KLC1: variants seen among roughly 807,000 people sequenced by gnomAD.
KLC1 encodes the protein kinesin 2 60/70kDa.
In KLC1, 30 loss-of-function variants were observed where a neutral mutation model predicts 84.2. The ratio of observed to expected loss-of-function variants is 0.36; its 90% CI spans 0.27 to 0.48. The LOEUF is 0.48. KLC1 is among the 20% of genes least tolerant of loss of function. The pLI, the probability that KLC1 is intolerant of heterozygous loss-of-function variation, is 0.99. For missense variants in KLC1, 499 were observed against 805.4 expected (o/e 0.62, Z 4.60); for synonymous variants, 289 against 293.3 (o/e 0.99, Z 0.15).
chr14:103,657,176 C>T (rs763833727), intron 2 of KLC1, among the ~76,000 whole-genome samples: 2 of 152,134 alleles, frequency 1.3e-5, no homozygotes, highest in Non-Finnish European at 2.9e-5. Flanking sequence ...CATGTGTGTA[C>T]ACGAGGTCTT....
chr14:103,651,355 A>C (rs1261886644), intron 1 of KLC1, among the ~76,000 whole-genome samples: 1 of 151,970 alleles, frequency 6.6e-6, no homozygotes, highest in Non-Finnish European at 1.5e-5. Flanking sequence ...ACCTACGTGC[A>C]TATAGACTTT....
chr14:103,655,271 T>G (rs1292980552), intron 2 of KLC1, among the ~76,000 whole-genome samples: 1 of 152,106 alleles, frequency 6.6e-6, no homozygotes, highest in Non-Finnish European at 1.5e-5. Flanking sequence ...TGTATGTTAA[T>G]AAATTACTAT....
At chr14:103,673,307 A>ATATTT (rs745572473) in intron 8 of KLC1, 25 bp from the exon 9 acceptor site, 17 of 1,535,420 alleles carry the variant, frequency 1.1e-5, no homozygotes, top group Admixed American at 4.1e-5. Context: ...AAGATATGAA[A>ATATTT]TATTTTATTT....
At chr14:103,651,166 C>A (rs1420867133) in intron 1 of KLC1, among the ~76,000 whole-genome samples, 1 of 151,960 alleles carries the variant, frequency 6.6e-6, no homozygotes, top group East Asian at 1.9e-4. Context: ...TGCACCACCA[C>A]GCCCGGCTAA....
At chr14:103,669,013 C>T (rs1184730678) in intron 5 of KLC1, among the ~76,000 whole-genome samples, 5 of 151,806 alleles carry the variant, frequency 3.3e-5, no homozygotes, top group South Asian at 4.2e-4. Flanking sequence ...CTCCTGACCT[C>T]GTGATCTGCC....
Position 103,687,139 on chromosome 14 carries a change from G to A in KLC1, c.1709G>A (p.Arg570Lys), listed in dbSNP as rs1185642248. 2.6e-6 allele frequency: 4 copies of A among 1,549,180 alleles called. No individual in the cohort carries two copies. Among genetic ancestry groups the A allele is most frequent in the Non-Finnish European group, 3.5e-6 (4 of 1,145,112 alleles). Reference sequence around the variant, plus strand: ...TTTAGCAAACTCCGGGCTTCCATTAGACGCAGCAGTGAGAAGCTGGTTAGG... The same window carrying A: ...TTTAGCAAACTCCGGGCTTCCATTAAACGCAGCAGTGAGAAGCTGGTTAGG... ...GSFSKLRASI[R>K]RSSEKLVRKL... Residue 570 changes from arginine (R) to lysine (K), a missense_variant, in exon 14 of 17, where the codon AGA (arginine) becomes AAA (lysine). By Grantham distance (26) the Arg-to-Lys change is conservative. Coordinates refer to ENST00000334553, the MANE Select transcript of KLC1 (RefSeq NM_001394837.1).
chr14:103,693,437 G>A lies in KLC1; in HGVS notation c.1848+1012G>A, dbSNP rs951291191. 1.1e-4 allele frequency: 171 copies of A among 1,491,326 alleles called. No individual in the cohort carries two copies. The African/African-American group carries it at 1.2e-3, about 11-fold the overall frequency. 92.4% of individuals were successfully genotyped at this position (1,491,326 alleles called of 1,614,324 possible). On this transcript the variant is annotated intron_variant, in intron 15 of 16. Transcript: ENST00000334553. The surrounding 1 kb of genome is among the most constrained non-coding windows in gnomAD (Gnocchi z 5.1). ...ATGCACATTGACCCCTGGGCCTCTC[G>A]AGTGCCAACCTAGATTTAGCTGTGC...
Position 103,694,018 on chromosome 14 carries a change from G to T in KLC1, c.1848+1593G>T. 1 of 1,022,258 alleles carries T rather than the reference G, an allele frequency of 9.8e-7. No individual in the cohort carries two copies. Among genetic ancestry groups the T allele is most frequent in the Non-Finnish European group, 1.2e-6 (1 of 853,348 alleles). The allele number at this position is 1,022,258 out of a possible 1,614,324, so 63.3% of individuals were successfully genotyped here. On this transcript the variant is annotated intron_variant, in intron 15 of 16. Coordinates refer to ENST00000334553, the MANE Select transcript of KLC1 (RefSeq NM_001394837.1). This position sits in a 1 kb window ranked among gnomAD's most constrained non-coding sequence, Gnocchi z 4.5. ...AATAAGGCTGTAAATTAAGAATCTG[G>T]AAACATAAAGTACCCCTTTCAGAAC... is the stretch of plus-strand genomic sequence containing the variant.
At chr14:103,633,629 A>C (rs966957107) in intron 1 of KLC1, among the ~76,000 whole-genome samples, 1 of 151,562 alleles carries the variant, frequency 6.6e-6, no homozygotes, top group Non-Finnish European at 1.5e-5. Context: ...TCCTGTGAAA[A>C]CCTGAGTCAC....
At chr14:103,659,683 C>G (rs376440477) in intron 3 of KLC1, among the ~76,000 whole-genome samples, 1 of 152,124 alleles carries the variant, frequency 6.6e-6, no homozygotes, top group Non-Finnish European at 1.5e-5. Flanking sequence ...TTGTGTGTCT[C>G]GTTCGAATCC....
rs1405760448 is a variant in KLC1 at position 103,685,031 on chromosome 14, C to A, written c.1651-2050C>A. On this transcript the variant is annotated intron_variant, in intron 13 of 16. Transcript: ENST00000334553. ...GCTGGTTAACTGACTTGCTCAGCGT[C>A]CCATGGTGAGTCCGAGCGGGCGGGG... is the stretch of plus-strand genomic sequence containing the variant. 2.7e-6 allele frequency: 4 copies of A among 1,495,510 alleles called. No homozygotes were observed. In the East Asian group the frequency reaches 9.8e-5, roughly 37 times the overall value. The allele number at this position is 1,495,510 out of a possible 1,614,324, so 92.6% of individuals were successfully genotyped here.
intron 1 of KLC1, among the ~76,000 whole-genome samples, chr14:103,647,294 G>A (rs2151419212): frequency 6.6e-6 from 1 of 152,040 alleles, no homozygotes; most frequent in East Asian, 1.9e-4. Context: ...CAGGATCTCG[G>A]CTTACTGCAA....
chr14:103,681,049 G>A (rs781750164), intron 13 of KLC1, among the ~76,000 whole-genome samples: 14 of 152,262 alleles, frequency 9.2e-5, no homozygotes, highest in Admixed American at 3.3e-4. Flanking sequence ...TCGCTGCTGG[G>A]GATGAAAGCA....
At chr14:103,643,391 G>C (rs887986594) in intron 1 of KLC1, among the ~76,000 whole-genome samples, 1 of 152,210 alleles carries the variant, frequency 6.6e-6, no homozygotes, top group African/African-American at 2.4e-5. Flanking sequence ...ACCTGAGCCA[G>C]GTGGTCGAGG....
At chr14:103,642,087 T>C (rs1363074235) in intron 1 of KLC1, among the ~76,000 whole-genome samples, 2 of 152,040 alleles carry the variant, frequency 1.3e-5, no homozygotes, top group African/African-American at 4.8e-5. Context: ...TGCACCACCA[T>C]GCCCGGCTAA....
rs1567051493 is a variant in KLC1, at chr14:103,701,223, C to T, written c.*24C>T. The T allele has an allele frequency of 6.4e-7, 1 of 1,550,470 alleles. No homozygotes were observed. The highest frequency in any genetic ancestry group is 8.7e-7 in the Non-Finnish European group (1 of 1,146,314). ...CAGTGACCCCGACCTGGCCCCGCTC[C>T]AGGATGGGACTGCCGAGTGTGGCCC... On this transcript the variant is annotated 3_prime_UTR_variant, in exon 17 of 17. Transcript: ENST00000334553.
At chr14:103,656,217 G>A (rs2078832155) in intron 2 of KLC1, among the ~76,000 whole-genome samples, 1 of 152,198 alleles carries the variant, frequency 6.6e-6, no homozygotes, top group South Asian at 2.1e-4. Flanking sequence ...CTGTACCTGG[G>A]TGAGTGGGAG....
At chr14:103,699,951 C>A in intron 15 of KLC1, 1 of 339,794 alleles carries the variant, frequency 2.9e-6, no homozygotes, top group Non-Finnish European at 5.7e-6. Context: ...CACAGGTCAG[C>A]AGCAACCAGC....
chr14:103,676,900 C>G (rs7148857), intron 11 of KLC1, among the ~76,000 whole-genome samples: 42,527 of 152,126 alleles, frequency 0.28, 6,693 homozygotes, highest in East Asian at 0.35. Flanking sequence ...GCCGTCCTCT[C>G]GGCCATCTGC....
Sources: gnomAD v4.1 joint callset for allele counts (sites outside exome capture counted in the v4.1 genomes callset) on GRCh38, gnomAD v4.1.1 for gene constraint, Gnocchi (gnomAD v3.1) non-coding constraint, MANE v1.5 for transcripts, NCBI Gene and HGNC (gene_info 2026-07-23, HGNC 2026-07-21) for gene names.